The following MMP25 variants were observed in gnomAD, a reference collection of about 807,000 sequenced individuals.
MMP25 encodes the protein matrix metallopeptidase 25.
MMP25 carries 68 observed loss-of-function variants against 62.1 expected under a neutral mutation model. That is an observed-to-expected ratio of 1.10 (90% confidence interval 0.90 to 1.34). The LOEUF is 1.34. Among genes scored for constraint, MMP25 ranks in the 40% most tolerant of loss-of-function variants. The probability of loss-of-function intolerance (pLI) is 0.00; values close to 1 mark genes in which losing one functional copy is unlikely to be tolerated. For synonymous variants in MMP25, 407 were observed against 345.6 expected (o/e 1.18, Z -1.97); for missense variants, 942 against 792.5 (o/e 1.19, Z -2.26).
chr16:3,058,581 G>T lies in MMP25; in HGVS notation c.1329G>T (p.Ala443=). 1 of 1,608,396 alleles carries T rather than the reference G, an allele frequency of 6.2e-7. No individual in the cohort carries two copies. Among genetic ancestry groups the T allele is most frequent in the South Asian group, 1.1e-5 (1 of 90,668 alleles). The change falls in exon 9 of 10, where the codon GCG becomes GCT. Residue 443 remains alanine, a synonymous_variant. Coordinates refer to ENST00000336577, the MANE Select transcript of MMP25 (RefSeq NM_022468.5). ...GRQYWRYDEA[A]ARPDPGYPRD... is the part of the protein sequence containing the mutation. The stretch of plus-strand genomic sequence containing the variant: ...AGTACTGGCGCTACGACGAGGCGGC[G>T]GCGCGCCCGGACCCCGGCTACCCTC...
chr16:3,050,384 G>A lies in MMP25; in HGVS notation c.499G>A (p.Glu167Lys), dbSNP rs772441481. 4.5e-5 allele frequency: 72 copies of A among 1,613,944 alleles called. No individual in the cohort carries two copies. The highest frequency in any genetic ancestry group is 2.2e-4 in the South Asian group (20 of 91,090). The change falls in exon 4 of 10, where the codon GAG (glutamate) becomes AAG (lysine). Residue 167 changes from glutamate to lysine, a missense_variant. Coordinates refer to ENST00000336577, the MANE Select transcript of MMP25 (RefSeq NM_022468.5). ...TGAGGTGGATTCCCCCCAGGGCCAG[G>A]AGCCCGACATCCTCATCGACTTTGC... ...FHEVDSPQGQ[E>K]PDILIDFARA...
At chr16:3,056,971 C>T (rs1956020159) in intron 4 of MMP25, 62 bp from the exon 5 acceptor site, 2 of 1,505,756 alleles carry the variant, frequency 1.3e-6, no homozygotes, top group East Asian at 2.3e-5. Context: ...CTCGCAGGGC[C>T]TTCCTGTGGC....
At chr16:3,056,013 T>G in intron 4 of MMP25, 1 of 445,006 alleles carries the variant, frequency 2.2e-6, no homozygotes, top group East Asian at 7.1e-5. Context: ...GTTCTGAGAG[T>G]GCCTGCTAGA....
At chr16:3,055,739 A>G in intron 4 of MMP25, 1 of 437,010 alleles carries the variant, frequency 2.3e-6, no homozygotes, top group South Asian at 1.6e-5. Context: ...TGCTGACCTT[A>G]GTTAGAGATG....
Position 3,055,905 on chromosome 16 carries a change from C to T in MMP25, c.662-1128C>T, listed in dbSNP as rs779472163. On this transcript the variant is annotated intron_variant, in intron 4 of 9. Coordinates refer to ENST00000336577, the MANE Select transcript of MMP25 (RefSeq NM_022468.5). ...GGAGCTGGGCTTCAGCCGGGGCTGGCGTGTGAATCCTCTGGGTCCTGGCAG... is the reference window on the plus strand; with the variant it reads ...GGAGCTGGGCTTCAGCCGGGGCTGGTGTGTGAATCCTCTGGGTCCTGGCAG... 9.4e-5 allele frequency: 43 copies of T among 455,472 alleles called. 1 individual carries two copies. Among genetic ancestry groups the T allele is most frequent in the South Asian group, 7.7e-5 (5 of 64,522 alleles). 28.2% of individuals were successfully genotyped at this position (455,472 alleles called of 1,614,324 possible).
chr16:3,056,310 G>A (rs1220989763), intron 4 of MMP25: 1 of 209,082 alleles, frequency 4.8e-6, no homozygotes, highest in East Asian at 1.4e-4. Context: ...CCAGGGCTGG[G>A]GCTGCCTGAA....
In MMP25 at chr16:3,057,341, C is replaced by T. The variant is rs1213412754; in HGVS notation, c.870C>T (p.Pro290=). Reference sequence around the variant, plus strand: ...CGCCCCAAACCCCATATGACAAGCCCACAAGGAAACCCCTGGCTCCTCCGC... The same window carrying T: ...CGCCCCAAACCCCATATGACAAGCCTACAAGGAAACCCCTGGCTCCTCCGC... ...GKAPQTPYDK[P]TRKPLAPPPQ... is the part of the protein sequence containing the mutation. Residue 290 remains proline, a synonymous_variant, in exon 6 of 10, where the codon CCC becomes CCT. Coordinates refer to ENST00000336577, the MANE Select transcript of MMP25 (RefSeq NM_022468.5). 2 of 1,613,898 alleles carry T rather than the reference C, an allele frequency of 1.2e-6. No individual in the cohort carries two copies. The highest frequency in any genetic ancestry group is 1.3e-5 in the African/African-American group (1 of 74,888).
At chr16:3,057,889 A>G in intron 7 of MMP25, 1 of 581,796 alleles carries the variant, frequency 1.7e-6, no homozygotes. Context: ...TATTTTGTAG[A>G]GATGGAGTCT....
At chr16:3,052,121 C>G (rs1955913206) in intron 4 of MMP25, 2 of 128,684 alleles carry the variant, frequency 1.6e-5, no homozygotes, top group Non-Finnish European at 3.1e-5. Context: ...AGCAAAACTC[C>G]ATCTCAAATA....
chr16:3,059,102 G>A lies in MMP25; in HGVS notation c.*4G>A, dbSNP rs1360199124. On this transcript the variant is annotated 3_prime_UTR_variant, in exon 10 of 10. Coordinates refer to ENST00000336577, the MANE Select transcript of MMP25 (RefSeq NM_022468.5). ...GGGGGGTGTAGCCTCCCGCTGATGGGGGGAGCCATCCAGACCGAACAGCGC... is the reference window on the plus strand; with the variant it reads ...GGGGGGTGTAGCCTCCCGCTGATGGAGGGAGCCATCCAGACCGAACAGCGC... The A allele has an allele frequency of 4.6e-6, 7 of 1,538,048 alleles. No individual in the cohort carries two copies. The highest frequency in any genetic ancestry group is 6.1e-6 in the Non-Finnish European group (7 of 1,139,372).
rs1393164722 is a variant in MMP25, at chr16:3,050,076, G to T, written c.300G>T (p.Gly100=). The stretch of plus-strand genomic sequence containing the variant: ...TGCCTGACGTGCTGGGGGTGGCGGG[G>T]CTGGTCAGGCGGCGTCGCCGGTACG... ...CSLPDVLGVA[G]LVRRRRRYAL... is the part of the protein sequence containing the mutation. The change falls in exon 3 of 10, where the codon GGG becomes GGT. Residue 100 remains glycine (G), a synonymous_variant. Coordinates refer to ENST00000336577, the MANE Select transcript of MMP25 (RefSeq NM_022468.5). 1 of 1,611,256 alleles carries T rather than the reference G, an allele frequency of 6.2e-7. No homozygotes were observed. Among genetic ancestry groups the T allele is most frequent in the Non-Finnish European group, 8.5e-7 (1 of 1,179,914 alleles).
chr16:3,053,779 G>A (rs913011957), intron 4 of MMP25: 3 of 152,100 alleles, frequency 2.0e-5, no homozygotes, highest in African/African-American at 7.2e-5. Context: ...GTGGTCAGCT[G>A]TGGCTGGGGC....
At position 3,057,319 on chromosome 16, in the gene MMP25, C is replaced by T. The variant is rs1229590714; in HGVS notation, c.848C>T (p.Pro283Leu). Residue 283 changes from proline (P) to leucine (L), a missense_variant, in exon 6 of 10, where the codon CCC becomes CTC. Pro to Leu is a moderately conservative substitution (Grantham distance 98). Transcript: ENST00000336577. ...GACTCTTTCCTCACAGGGAAGGCGC[C>T]CCAAACCCCATATGACAAGCCCACA... ...DGLQQLYGKA[P>L]QTPYDKPTRK... The T allele has an allele frequency of 2.5e-6, 4 of 1,613,978 alleles. No homozygotes were observed. Among genetic ancestry groups the T allele is most frequent in the East Asian group, 2.2e-5 (1 of 44,880 alleles).
In MMP25 at chr16:3,059,128, C is replaced by A; in HGVS notation, c.*30C>A. The A allele has an allele frequency of 6.7e-7, 1 of 1,494,630 alleles. No individual in the cohort carries two copies. The highest frequency in any genetic ancestry group is 9.0e-7 in the Non-Finnish European group (1 of 1,115,218). The allele number at this position is 1,494,630 out of a possible 1,614,324, so 92.6% of individuals were successfully genotyped here. ...GGGAGCCATCCAGACCGAACAGCGC[C>A]CTCCACGGCCGAGTCCCCCGCCGCT... On this transcript the variant is annotated 3_prime_UTR_variant, in exon 10 of 10. Transcript: ENST00000336577.
At chr16:3,058,124 G>A (rs777816263) in intron 7 of MMP25, 57 bp from the exon 8 acceptor site, 1 of 1,593,134 alleles carries the variant, frequency 6.3e-7, no homozygotes, top group South Asian at 1.1e-5. Flanking sequence ...ACACACCCTG[G>A]GGGAGGAGAC....
At chr16:3,052,546 GA>G (rs1955920567) in intron 4 of MMP25, 1 of 152,196 alleles carries the variant, frequency 6.6e-6, no homozygotes, top group African/African-American at 2.4e-5. Context: ...TGGTCCTGGG[GA>G]AGGGGGCAGT....
At chr16:3,053,017 G>A (rs138161813) in intron 4 of MMP25, 2,384 of 153,248 alleles carry the variant, frequency 0.016, no homozygotes, top group South Asian at 0.042. Context: ...AGGCGGTCCC[G>A]CCTGAGGCCA....
intron 9 of MMP25, 43 bp from the exon 10 acceptor site, chr16:3,058,783 CG>C: frequency 7.0e-7 from 1 of 1,430,468 alleles, no homozygotes; most frequent in South Asian, 1.4e-5. Context: ...CATCAGGGAG[CG>C]GCGGGGCGGG....
chr16:3,052,706 C>T, intron 4 of MMP25: 1 of 154,100 alleles, frequency 6.5e-6, no homozygotes, highest in Non-Finnish European at 1.4e-5. Context: ...GAGGAGCAGG[C>T]TGGCAGAAGG....
Sources: allele counts gnomAD v4.1 joint callset, GRCh38; gene constraint gnomAD v4.1.1; transcripts MANE v1.5; gene names NCBI Gene and HGNC (gene_info 2026-07-23, HGNC 2026-07-21).